RANBP2: variants seen among roughly 807,000 people sequenced by gnomAD.
RANBP2 encodes RAN binding protein 2, also known as E3 SUMO-protein ligase RanBP2.
In RANBP2, 57 loss-of-function variants were observed where a neutral mutation model predicts 303.6. The observed-to-expected ratio is 0.19, with a 90% CI of 0.15 to 0.23. The LOEUF (loss-of-function observed/expected upper bound fraction) is 0.23. Ranked by LOEUF, RANBP2 falls within the 10% of genes least tolerant of loss-of-function variation. RANBP2 has a pLI of 1.00. For synonymous variants in RANBP2, 1,167 were observed against 1,301.5 expected, an observed-to-expected ratio of 0.90 and a Z score of 2.23; for missense variants, 3,138 against 3,780.8, an observed-to-expected ratio of 0.83 and a Z score of 4.46.
intron 18 of RANBP2, among the ~76,000 whole-genome samples, chr2:108,760,329 G>C (rs1676638476): frequency 6.6e-6 from 1 of 151,530 alleles, no homozygotes; most frequent in Admixed American, 6.6e-5. Context: ...GTGTAGATGA[G>C]CTAGCCTGTT....
the RANBP2 span, among the ~76,000 whole-genome samples, chr2:109,416,532 G>A: frequency 1.8e-3 from 271 of 152,260 alleles, no homozygotes; most frequent in Non-Finnish European, 2.3e-3. Context: ...TTACAGGCGT[G>A]CGCCATCATG....
At chr2:109,615,708 G>T in the RANBP2 span, 2 of 1,613,682 alleles carry the variant, frequency 1.2e-6, no homozygotes, top group South Asian at 2.2e-5. Context: ...AAGCGCCGCG[G>T]GTAGCGGCGG....
chr2:109,371,689 C>A, the RANBP2 span: 3 of 1,612,178 alleles, frequency 1.9e-6, no homozygotes, highest in Non-Finnish European at 1.7e-6. Context: ...GAGGTAAGAC[C>A]GTGCCGCCCT....
At chr2:109,035,389 A>C in the RANBP2 span, among the ~76,000 whole-genome samples, 7 of 152,258 alleles carry the variant, frequency 4.6e-5, no homozygotes, top group African/African-American at 9.6e-5. Context: ...CAGCAGAAGA[A>C]GACTCTGAAA....
the RANBP2 span, among the ~76,000 whole-genome samples, chr2:109,505,024 G>A: frequency 6.6e-5 from 10 of 152,176 alleles, no homozygotes; most frequent in African/African-American, 9.7e-5. Flanking sequence ...CAAGTCCTTC[G>A]TAACCAGAAG....
At chr2:109,207,774 A>G in the RANBP2 span, among the ~76,000 whole-genome samples, 38 of 152,196 alleles carry the variant, frequency 2.5e-4, no homozygotes, top group Non-Finnish European at 4.9e-4. Context: ...AACTGTATTC[A>G]GGTTTATAAC....
At chr2:108,775,363 G>A (rs904791242) in intron 23 of RANBP2, among the ~76,000 whole-genome samples, 1 of 152,132 alleles carries the variant, frequency 6.6e-6, no homozygotes, top group African/African-American at 2.4e-5. Context: ...TGAGAAGAAA[G>A]TAGAGTCTCT....
chr2:108,877,370 G>T, the RANBP2 span, among the ~76,000 whole-genome samples: 31 of 152,198 alleles, frequency 2.0e-4, no homozygotes, highest in African/African-American at 7.5e-4. Flanking sequence ...GGAGGCTGAG[G>T]CAGGAGAACC....
At chr2:108,997,398 G>A in the RANBP2 span, among the ~76,000 whole-genome samples, 4 of 117,748 alleles carry the variant, frequency 3.4e-5, no homozygotes, top group South Asian at 8.9e-4. Context: ...CTGACATTGC[G>A]CCACTGCACT....
the RANBP2 span, among the ~76,000 whole-genome samples, chr2:109,277,727 T>C: frequency 6.6e-6 from 1 of 152,328 alleles, no homozygotes; most frequent in East Asian, 1.9e-4. Context: ...AACAAGATCA[T>C]TACCACAAGC....
At chr2:108,793,690 G>A in the RANBP2 span, among the ~76,000 whole-genome samples, 1 of 151,426 alleles carries the variant, frequency 6.6e-6, no homozygotes, top group African/African-American at 2.4e-5. Flanking sequence ...TCCGCCTCCC[G>A]GATTCACGCC....
the RANBP2 span, among the ~76,000 whole-genome samples, chr2:109,051,551 C>A: frequency 6.6e-6 from 1 of 151,898 alleles, no homozygotes; most frequent in African/African-American, 2.4e-5. Context: ...TGGGTCAAAC[C>A]AATAGTTGGC....
chr2:109,257,068 G>A, the RANBP2 span, among the ~76,000 whole-genome samples: 1 of 152,134 alleles, frequency 6.6e-6, no homozygotes, highest in African/African-American at 2.4e-5. Flanking sequence ...TCATGTAGGG[G>A]CACCGTGTAT....
At chr2:109,621,440 C>CT in the RANBP2 span, among the ~76,000 whole-genome samples, 8 of 148,548 alleles carry the variant, frequency 5.4e-5, no homozygotes, top group African/African-American at 7.4e-5. Flanking sequence ...GTGTGAGCCA[C>CT]TTTTTTTTTT....
At chr2:109,197,744 C>T in the RANBP2 span, among the ~76,000 whole-genome samples, 2 of 152,142 alleles carry the variant, frequency 1.3e-5, no homozygotes, top group Non-Finnish European at 2.9e-5. Flanking sequence ...GTGGCCCTGG[C>T]CCCTATCAGG....
chr2:109,553,249 T>TA, the RANBP2 span: 25 of 1,610,742 alleles, frequency 1.6e-5, no homozygotes, highest in Non-Finnish European at 2.0e-5. Context: ...ACTCTCCTGC[T>TA]AAAAAGTGAT....
the RANBP2 span, among the ~76,000 whole-genome samples, chr2:109,113,825 T>A: frequency 1.3e-5 from 2 of 152,240 alleles, no homozygotes; most frequent in African/African-American, 4.8e-5. Flanking sequence ...ACCTAATTTA[T>A]TGAGAGTTTT....
chr2:109,084,787 T>C, the RANBP2 span, among the ~76,000 whole-genome samples: 144,800 of 152,218 alleles, frequency 0.95, 69,267 homozygotes, highest in Non-Finnish European at 1. Context: ...ATGAACACTG[T>C]GGACGCCACT....
At chr2:109,344,050 C>A in the RANBP2 span, among the ~76,000 whole-genome samples, 2 of 152,160 alleles carry the variant, frequency 1.3e-5, no homozygotes, top group African/African-American at 4.8e-5. Flanking sequence ...GTCCCCAGAT[C>A]CTTCTTTTGT....
Sources: allele counts gnomAD v4.1 joint callset (sites outside exome capture counted in the v4.1 genomes callset), GRCh38; gene constraint gnomAD v4.1.1; transcripts MANE v1.5; gene names NCBI Gene and HGNC (gene_info 2026-07-23, HGNC 2026-07-21).